The following CTNNA2 variants were observed in gnomAD, a reference collection of about 807,000 sequenced individuals.
CTNNA2 encodes the protein catenin alpha 2.
Under a neutral mutation model 101.0 loss-of-function variants are expected in CTNNA2, and 42 were observed. The ratio of observed to expected loss-of-function variants is 0.42; its 90% CI spans 0.32 to 0.54. The LOEUF is 0.54. CTNNA2 is among the 20% of genes least tolerant of loss of function. CTNNA2 has a pLI of 0.14. For missense variants in CTNNA2, 871 were observed against 1,223.1 expected (o/e 0.71, Z 4.29); for synonymous variants, 450 against 456.4 (o/e 0.99, Z 0.18).
In CTNNA2 at chr2:79,744,476, A is replaced by G. The variant is rs1263658016; in HGVS notation, c.192A>G (p.Val64=). 1 of 1,614,024 alleles carries G rather than the reference A, an allele frequency of 6.2e-7. No homozygotes were observed. The highest frequency in any genetic ancestry group is 8.5e-7 in the Non-Finnish European group (1 of 1,180,024). ...AAGCCCATGTACTAGCTGCCTCTGT[A>G]GAGCAAGCCACTCAGAATTTCCTGG... ...SKKAHVLAAS[V]EQATQNFLEK... Residue 64 remains valine (V), a synonymous_variant, in exon 3 of 19, where the codon GTA becomes GTG. Transcript: ENST00000402739.
intron 7 of CTNNA2, among the ~76,000 whole-genome samples, chr2:80,142,082 A>G (rs1025589483): frequency 6.6e-6 from 1 of 152,092 alleles, no homozygotes; most frequent in African/African-American, 2.4e-5. Context: ...CCAAGCTTTT[A>G]GAGAAAGCTT....
At chr2:79,937,413 T>G (rs1450558494) in intron 7 of CTNNA2, among the ~76,000 whole-genome samples, 1 of 152,242 alleles carries the variant, frequency 6.6e-6, no homozygotes, top group Non-Finnish European at 1.5e-5. Context: ...ATCGTTTCAC[T>G]TAGCATTCTG....
intron 2 of CTNNA2, among the ~76,000 whole-genome samples, chr2:79,244,139 C>T (rs1221435388): frequency 6.6e-6 from 1 of 152,110 alleles, no homozygotes; most frequent in Non-Finnish European, 1.5e-5. Context: ...TCTTTGTGGA[C>T]TTTGGAGACC....
intron 7 of CTNNA2, among the ~76,000 whole-genome samples, chr2:79,978,472 C>T (rs1245041494): frequency 6.6e-6 from 1 of 152,118 alleles, no homozygotes; most frequent in East Asian, 1.9e-4. Flanking sequence ...TAATGACTAT[C>T]ATCAAGGGAC....
intron 9 of CTNNA2, among the ~76,000 whole-genome samples, chr2:80,468,453 C>A (rs775437566): frequency 1.3e-5 from 2 of 152,086 alleles, no homozygotes; most frequent in African/African-American, 4.8e-5. Context: ...GAGCCTGGCT[C>A]TGTCACCCAG....
chr2:80,079,895 T>TAAAATAATAAAATA (rs1462703412), intron 7 of CTNNA2, among the ~76,000 whole-genome samples: 4 of 115,004 alleles, frequency 3.5e-5, no homozygotes, highest in African/African-American at 1.3e-4. Context: ...TAAAATAAAA[T>TAAAATAATAAAATA]AAATAAAATA....
chr2:79,692,087 A>G (rs1187907387), intron 2 of CTNNA2, among the ~76,000 whole-genome samples: 1 of 152,188 alleles, frequency 6.6e-6, no homozygotes. Flanking sequence ...TGAACAGGCA[A>G]CCTACAGAAT....
At chr2:79,939,222 G>T (rs559951211) in intron 7 of CTNNA2, among the ~76,000 whole-genome samples, 2 of 152,276 alleles carry the variant, frequency 1.3e-5, no homozygotes, top group Non-Finnish European at 2.9e-5. Context: ...ATGTCTGAGT[G>T]TGTTGAGTGC....
rs1553488079 is a variant in CTNNA2, at chr2:80,306,408, C to CT, written c.1057-86800dup. 6.6e-3 allele frequency among the ~76,000 whole-genome samples: 665 copies of CT among 101,004 alleles called. 4 individuals carry two copies. Among genetic ancestry groups the CT allele is most frequent in the African/African-American group, 0.018 (456 of 24,766 alleles). 66.3% of individuals were successfully genotyped at this position (101,004 alleles called of 152,430 possible). ...TCTTTTCTTTTCTTTTCTTTTCTTT[C>CT]TTTCTTTCTTTCTTTCTTTCTTTCT... On this transcript the variant is annotated intron_variant, in intron 7 of 18. Coordinates refer to ENST00000402739, the MANE Select transcript of CTNNA2 (RefSeq NM_001282597.3).
chr2:79,647,899 G>A (rs1351532640), intron 1 of CTNNA2, among the ~76,000 whole-genome samples: 6 of 152,154 alleles, frequency 3.9e-5, no homozygotes, highest in Non-Finnish European at 8.8e-5. Flanking sequence ...TCCTTCTTTC[G>A]TTTTGGACCA....
At chr2:80,054,455 T>C (rs1272547706) in intron 7 of CTNNA2, among the ~76,000 whole-genome samples, 1 of 152,174 alleles carries the variant, frequency 6.6e-6, no homozygotes, top group Non-Finnish European at 1.5e-5. Context: ...GCAATTTGCC[T>C]GTTGTACACT....
chr2:79,977,204 GTGCACA>G (rs139155640), intron 7 of CTNNA2, among the ~76,000 whole-genome samples: 2,280 of 145,682 alleles, frequency 0.016, 62 homozygotes, highest in African/African-American at 0.054. Context: ...ACACACACAC[GTGCACA>G]TGCATATGCA....
At chr2:79,354,522 C>T (rs539141555) in intron 3 of CTNNA2, among the ~76,000 whole-genome samples, 1 of 152,200 alleles carries the variant, frequency 6.6e-6, no homozygotes, top group East Asian at 1.9e-4. Context: ...TTTTCAGTTC[C>T]ATTTGTTCAA....
At chr2:79,922,209 G>A (rs746944051) in intron 7 of CTNNA2, among the ~76,000 whole-genome samples, 15 of 152,098 alleles carry the variant, frequency 9.9e-5, no homozygotes, top group Admixed American at 4.6e-4. Flanking sequence ...CATGGAACTA[G>A]TGAAGACCTT....
Position 79,970,493 on chromosome 2 carries a change from A to G in CTNNA2, c.1056+60696A>G, listed in dbSNP as rs1209747320. 2.6e-5 allele frequency among the ~76,000 whole-genome samples: 4 copies of G among 152,254 alleles called. 1 individual carries two copies. Among genetic ancestry groups the G allele is most frequent in the African/African-American group, 4.8e-5 (2 of 41,548 alleles). ...TCTCAGCCTGTTATTCTCCTCTGCT[A>G]TACCCTGAATAGACCACGGTGGCCA... On this transcript the variant is annotated intron_variant, in intron 7 of 18. Transcript: ENST00000402739.
intron 8 of CTNNA2, among the ~76,000 whole-genome samples, chr2:80,419,063 C>T (rs1023251886): frequency 2.6e-5 from 4 of 152,124 alleles, no homozygotes; most frequent in African/African-American, 9.7e-5. Context: ...AGATCTTTAT[C>T]TAAAGTTCTC....
intron 6 of CTNNA2, among the ~76,000 whole-genome samples, chr2:79,909,168 CGTGT>C (rs3841884): frequency 0.61 from 93,133 of 151,592 alleles, 28,943 homozygotes; most frequent in East Asian, 0.77. Flanking sequence ...GGAGGATTAA[CGTGT>C]GTGTATACAA....
chr2:79,666,866 C>G (rs1013158419), intron 2 of CTNNA2, among the ~76,000 whole-genome samples: 18 of 152,176 alleles, frequency 1.2e-4, no homozygotes, highest in African/African-American at 4.3e-4. Flanking sequence ...TCCAGTTCAC[C>G]TGTCTTCTCC....
chr2:80,546,085 C>T (rs758749398), intron 11 of CTNNA2, 22 bp downstream of exon 11: 3 of 1,612,058 alleles, frequency 1.9e-6, no homozygotes, highest in Non-Finnish European at 1.7e-6. Flanking sequence ...AAACAGGTCC[C>T]TTACAAGGCA....
Sources: allele counts gnomAD v4.1 joint callset (sites outside exome capture counted in the v4.1 genomes callset), GRCh38; gene constraint gnomAD v4.1.1; transcripts MANE v1.5; gene names NCBI Gene and HGNC (gene_info 2026-07-23, HGNC 2026-07-21).